Variants in TCF20 observed in about 807,000 individuals in gnomAD.
TCF20 encodes the protein transcription factor 20, also known as SPRE-binding protein.
TCF20 carries 3 observed loss-of-function variants against 148.6 expected under a neutral mutation model. The ratio of observed to expected loss-of-function variants is 0.02; its 90% CI spans 0.01 to 0.05. The LOEUF is 0.05. Among genes scored for constraint, TCF20 ranks in the 10% least tolerant of loss-of-function variants. The pLI is 1.00. For missense variants in TCF20, 2,350 were observed against 2,429.3 expected (o/e 0.97, Z 0.69); for synonymous variants, 1,049 against 909.5 (o/e 1.15, Z -2.76).
rs897311922 is a variant in TCF20, at chr22:42,195,500, CTTTT to C, written c.5655+14147_5655+14150del. 7.8e-5 allele frequency among the ~76,000 whole-genome samples: 11 copies of C among 141,688 alleles called. 1 individual carries two copies. The highest frequency in any genetic ancestry group is 2.8e-4 in the African/African-American group (11 of 38,966). The allele number at this position is 141,688 out of a possible 152,430, so 93.0% of individuals were successfully genotyped here. A position where few individuals can be genotyped will look rare whatever the true frequency, so the allele number is the denominator to read the frequency against. On this transcript the variant is annotated intron_variant, in intron 2 of 5. Transcript: ENST00000677622. ...CACAAATTATTTCCAATATTACATA[CTTTT>C]TTTTTTTTTTTTTGAGATGGAGTTT...
intron 1 of TCF20, among the ~76,000 whole-genome samples, chr22:42,262,861 C>T (rs1666749469): frequency 2.0e-5 from 3 of 152,108 alleles, no homozygotes; most frequent in East Asian, 3.8e-4. Context: ...TATTTAATTG[C>T]CCTTCTCTAC....
intron 1 of TCF20, among the ~76,000 whole-genome samples, chr22:42,257,341 A>T (rs1371964612): frequency 2.0e-5 from 3 of 152,194 alleles, no homozygotes; most frequent in Non-Finnish European, 4.4e-5. Context: ...CTCTTAGAAG[A>T]GCTTTGCAAG....
intron 1 of TCF20, among the ~76,000 whole-genome samples, chr22:42,331,457 T>C (rs761361961): frequency 1.3e-5 from 2 of 152,188 alleles, no homozygotes; most frequent in Non-Finnish European, 2.9e-5. Context: ...CACATAGCCT[T>C]GTGGGGTTAA....
intron 1 of TCF20, among the ~76,000 whole-genome samples, chr22:42,221,745 T>TTTTTTTTTTG (rs1922384656): frequency 7.7e-6 from 1 of 130,416 alleles, no homozygotes; most frequent in African/African-American, 3.2e-5. Context: ...AAGGGTTTTT[T>TTTTTTTTTTG]TTTTTTTTTT....
upstream of TCF20, among the ~76,000 whole-genome samples, chr22:42,272,488 T>C (rs1178188330): frequency 6.6e-6 from 1 of 152,214 alleles, no homozygotes; most frequent in Admixed American, 6.5e-5. Flanking sequence ...GCGTCTCAGA[T>C]GCAGGGCCCG....
intron 1 of TCF20, among the ~76,000 whole-genome samples, chr22:42,313,452 C>T (rs575621558): frequency 6.6e-6 from 1 of 152,268 alleles, no homozygotes; most frequent in South Asian, 2.1e-4. Context: ...ACATTGCTTC[C>T]TGCCTCACAC....
Position 42,211,079 on chromosome 22 carries a change from T to C in TCF20, c.4227A>G (p.Lys1409=), listed in dbSNP as rs200097699. The C allele has an allele frequency of 5.1e-5, 82 of 1,614,128 alleles. No individual in the cohort carries two copies. Among genetic ancestry groups the C allele is most frequent in the Admixed American group, 1.3e-4 (8 of 60,022 alleles). The change falls in exon 2 of 6, where the codon AAA becomes AAG. Residue 1409 remains lysine (K), a synonymous_variant. Coordinates refer to ENST00000677622, the MANE Select transcript of TCF20 (RefSeq NM_001378418.1). The stretch of plus-strand genomic sequence containing the variant: ...TGACTAGGTCCGAAGCCACCTCACC[T>C]TTTCTCTTCTCTATGTCAGCATCCT... ...AVQDADIEKR[K]GEVASDLVSP...
chr22:42,210,983 C>G lies in TCF20; in HGVS notation c.4323G>C (p.Val1441=). ...PRSSEEWRGS[V]DDKVKTETHA... The stretch of plus-strand genomic sequence containing the variant: ...GTGTCTCTGTCTTCACTTTGTCATC[C>G]ACGCTGCCACGCCACTCTTCTGAAG... The change falls in exon 2 of 6, where the codon GTG becomes GTC. Residue 1441 remains valine, a synonymous_variant. Transcript: ENST00000677622. The surrounding 1 kb of genome is among the most constrained non-coding windows in gnomAD (Gnocchi z 4.7). The G allele has an allele frequency of 1.9e-6, 3 of 1,614,138 alleles. No homozygotes were observed. Among genetic ancestry groups the G allele is most frequent in the Non-Finnish European group, 8.5e-7 (1 of 1,180,020 alleles).
chr22:42,195,831 A>G (rs1205716375), intron 2 of TCF20, among the ~76,000 whole-genome samples: 2 of 152,204 alleles, frequency 1.3e-5, no homozygotes, highest in African/African-American at 2.4e-5. Flanking sequence ...ATACATATTT[A>G]AATGGCATCC....
rs775917454 is a variant in TCF20 at position 42,214,822 on chromosome 22, G to T, written c.484C>A (p.Pro162Thr). Residue 162 changes from proline to threonine, a missense_variant, in exon 2 of 6, where the codon CCA becomes ACA. Pro to Thr is a conservative substitution (Grantham distance 38). Coordinates refer to ENST00000677622, the MANE Select transcript of TCF20 (RefSeq NM_001378418.1). ...YQQDYTGPFSPGSAQYQQQAS... is the reference protein window; with the variant it reads ...YQQDYTGPFSTGSAQYQQQAS... The stretch of plus-strand genomic sequence containing the variant: ...TGCTGTTGGTACTGAGCACTCCCTG[G>T]AGAGAAAGGCCCAGTGTAATCCTGC... 2.5e-6 allele frequency: 4 copies of T among 1,614,102 alleles called. No individual in the cohort carries two copies. The East Asian group carries it at 8.9e-5, about 36-fold the overall frequency.
Position 42,209,996 on chromosome 22 carries a change from C to T in TCF20, c.5310G>A (p.Gln1770=), listed in dbSNP as rs1338971640. 2 of 1,613,002 alleles carry T rather than the reference C, an allele frequency of 1.2e-6. No homozygotes were observed. Among genetic ancestry groups the T allele is most frequent in the South Asian group, 1.1e-5 (1 of 91,090 alleles). ...TTCTCTGCTCCTTCTGCTGCTGCTG[C>T]TGCTCTTCCTCCTCCTCAGTGTCCG... ...SKTDTEEEEE[Q]QQQQKEQRSL... is the part of the protein sequence containing the mutation. Residue 1770 remains glutamine (Q), a synonymous_variant, in exon 2 of 6, where the codon CAG becomes CAA. Coordinates refer to ENST00000677622, the MANE Select transcript of TCF20 (RefSeq NM_001378418.1).
intron 1 of TCF20, among the ~76,000 whole-genome samples, chr22:42,225,265 C>A (rs187329447): frequency 1.3e-5 from 2 of 151,942 alleles, no homozygotes; most frequent in Non-Finnish European, 2.9e-5. Flanking sequence ...CAAAGTGCTG[C>A]GATTACAGGG....
intron 2 of TCF20, among the ~76,000 whole-genome samples, chr22:42,206,766 C>A (rs1379925651): frequency 6.6e-6 from 1 of 152,158 alleles, no homozygotes; most frequent in Non-Finnish European, 1.5e-5. Context: ...TTAAAATGTT[C>A]TAATTTCAAA....
intron 1 of TCF20, among the ~76,000 whole-genome samples, chr22:42,306,836 C>G (rs933068075): frequency 2.6e-5 from 4 of 151,944 alleles, no homozygotes; most frequent in South Asian, 2.1e-4. Flanking sequence ...GTCAGGAGTT[C>G]GAGACCAGCC....
Position 42,213,362 on chromosome 22 carries a change from A to G in TCF20, c.1944T>C (p.Ser648=). 6.2e-7 allele frequency: 1 copy of G among 1,614,004 alleles called. No individual in the cohort carries two copies. Among genetic ancestry groups the G allele is most frequent in the Non-Finnish European group, 8.5e-7 (1 of 1,179,984 alleles). ...GCTCTGGCTGGGGAAGTGATGCATG[A>G]CTGGTTTCCTTTGCCCCACCATTGC... The part of the protein sequence containing the change: ...PPSNGGAKET[S]HASLPQPEPP... Residue 648 remains serine, a synonymous_variant, in exon 2 of 6, where the codon AGT becomes AGC. Transcript: ENST00000677622.
At chr22:42,184,614 TAC>T (rs1936957274) in intron 2 of TCF20, among the ~76,000 whole-genome samples, 1 of 152,132 alleles carries the variant, frequency 6.6e-6, no homozygotes, top group Non-Finnish European at 1.5e-5. Flanking sequence ...ACAGTGTTAC[TAC>T]ATTCACTCCA....
rs1927662581 is a variant in TCF20 at position 42,317,937 on chromosome 22, G to C, written c.-37+25542C>G. Among the ~76,000 whole-genome samples, 1 of 152,200 alleles carries C rather than the reference G, an allele frequency of 6.6e-6. No homozygotes were observed. On this transcript the variant is annotated intron_variant, in intron 1 of 1. Transcript: ENST00000515426. The surrounding 1 kb of genome is among the most constrained non-coding windows in gnomAD (Gnocchi z 4.2). ...GTGCATGCCTGTCCATCCCCTGGCA[G>C]CCCCATTGGCCACACTCCCAGAGCC... is the stretch of plus-strand genomic sequence containing the variant.
chr22:42,244,410 G>A (rs1290480693), intron 1 of TCF20, among the ~76,000 whole-genome samples: 1 of 152,180 alleles, frequency 6.6e-6, no homozygotes, highest in Non-Finnish European at 1.5e-5. Context: ...ATGAACGGAT[G>A]AACAGATTGT....
chr22:42,323,903 A>ATGGAGGTTATGGT (rs1927790276), intron 1 of TCF20, among the ~76,000 whole-genome samples: 1 of 16,884 alleles, frequency 5.9e-5, no homozygotes, highest in Non-Finnish European at 1.2e-4. Flanking sequence ...ATGGTGGTGG[A>ATGGAGGTTATGGT]GGTGGTGGTG....
Sources: allele counts gnomAD v4.1 joint callset (sites outside exome capture counted in the v4.1 genomes callset), GRCh38; gene constraint gnomAD v4.1.1; non-coding constraint Gnocchi (gnomAD v3.1); transcripts MANE v1.5; gene names NCBI Gene and HGNC (gene_info 2026-07-23, HGNC 2026-07-21).